CSMD1: variants seen among roughly 807,000 people sequenced by gnomAD.
The protein encoded by CSMD1 is CUB and sushi domain-containing protein 1.
Under a neutral mutation model 417.5 loss-of-function variants are expected in CSMD1, and 213 were observed. That is an observed-to-expected ratio of 0.51 (90% CI 0.46 to 0.57). The LOEUF is 0.57. Among genes scored for constraint, CSMD1 ranks in the 20% least tolerant of loss-of-function variants. CSMD1 has a pLI of 0.00. For synonymous variants in CSMD1, 2,862 were observed against 1,736.8 expected (o/e 1.65, Z -16.11); for missense variants, 6,923 against 4,529.7 (o/e 1.53, Z -15.17).
chr8:4,827,784 C>T (rs1342577517), intron 1 of CSMD1, among the ~76,000 whole-genome samples: 4 of 152,164 alleles, frequency 2.6e-5, no homozygotes, highest in Non-Finnish European at 5.9e-5. Flanking sequence ...TGAAATTCAG[C>T]TCCTGCTTAA....
At chr8:3,317,426 C>T (rs1207057554) in intron 23 of CSMD1, among the ~76,000 whole-genome samples, 1 of 152,178 alleles carries the variant, frequency 6.6e-6, no homozygotes, top group Non-Finnish European at 1.5e-5. Flanking sequence ...CATTGACACT[C>T]AATCACACAA....
At position 4,204,560 on chromosome 8, in the gene CSMD1, T is replaced by C. The variant is rs116986558; in HGVS notation, c.416-172461A>G. ...GTGTAGAAGAAATTATGACACCTTT[T>C]CTATACTGAGAGGAAGATTCAATCT... is the stretch of plus-strand genomic sequence containing the variant. On this transcript the variant is annotated intron_variant, in intron 3 of 69. Transcript: ENST00000635120. 8.6e-3 allele frequency among the ~76,000 whole-genome samples: 1,303 copies of C among 152,316 alleles called. 18 individuals carry two copies. The highest frequency in any genetic ancestry group is 0.026 in the African/African-American group (1,083 of 41,566).
At chr8:4,930,360 T>G (rs1249648363) in intron 1 of CSMD1, among the ~76,000 whole-genome samples, 1 of 152,120 alleles carries the variant, frequency 6.6e-6, no homozygotes, top group Non-Finnish European at 1.5e-5. Flanking sequence ...ATTTCATTCA[T>G]AGGTGCGCGC....
intron 5 of CSMD1, among the ~76,000 whole-genome samples, chr8:3,930,842 T>A (rs1472785757): frequency 6.6e-6 from 1 of 150,652 alleles, no homozygotes; most frequent in African/African-American, 2.4e-5. Context: ...AATAAAGTAA[T>A]AGATATCTTA....
rs574520612 is a variant in CSMD1 at position 3,787,669 on chromosome 8, A to G, written c.819-33627T>C. ...AGGCAGCTTGGTAATATAATTTAGT[A>G]TTGTTTACAAATTATTGTAAGTTTT... On this transcript the variant is annotated intron_variant, in intron 5 of 69. Coordinates refer to ENST00000635120, the MANE Select transcript of CSMD1 (RefSeq NM_033225.6). Among the ~76,000 whole-genome samples, 5 of 152,330 alleles carry G rather than the reference A, an allele frequency of 3.3e-5. No homozygotes were observed. In the East Asian group the frequency reaches 7.7e-4, roughly 24 times the overall value.
intron 11 of CSMD1, 74 bp from the exon 12 acceptor site, chr8:3,468,898 T>C: frequency 3.0e-6 from 3 of 998,684 alleles, no homozygotes; most frequent in Non-Finnish European, 4.5e-6. Flanking sequence ...AAGGAGGGTC[T>C]TGCTGCTTTA....
chr8:3,594,810 C>T (rs1287281085), intron 8 of CSMD1, among the ~76,000 whole-genome samples: 2 of 152,148 alleles, frequency 1.3e-5, no homozygotes, highest in Non-Finnish European at 2.9e-5. Context: ...CCGAGGGAAC[C>T]GCGGTGTGTC....
chr8:4,868,823 G>C (rs1802566931), intron 1 of CSMD1, among the ~76,000 whole-genome samples: 1 of 151,592 alleles, frequency 6.6e-6, no homozygotes, highest in South Asian at 2.1e-4. Context: ...TGCTGTATCA[G>C]CTCCTCTACA....
chr8:3,814,579 G>C (rs1460506698), intron 5 of CSMD1, among the ~76,000 whole-genome samples: 1 of 152,198 alleles, frequency 6.6e-6, no homozygotes, highest in Non-Finnish European at 1.5e-5. Flanking sequence ...CTTGCACCTA[G>C]TGGTAAGGCC....
At chr8:4,411,513 T>C (rs1796648473) in intron 3 of CSMD1, among the ~76,000 whole-genome samples, 1 of 152,242 alleles carries the variant, frequency 6.6e-6, no homozygotes, top group Non-Finnish European at 1.5e-5. Flanking sequence ...CATTCCCACA[T>C]TATCATCAGA....
intron 1 of CSMD1, among the ~76,000 whole-genome samples, chr8:4,727,687 T>C (rs575627553): frequency 1.3e-5 from 2 of 152,202 alleles, no homozygotes; most frequent in South Asian, 4.1e-4. Flanking sequence ...TGGAAATAAC[T>C]TGCAAAGGCA....
At chr8:3,763,040 A>G (rs1798095529) in intron 5 of CSMD1, among the ~76,000 whole-genome samples, 1 of 152,128 alleles carries the variant, frequency 6.6e-6, no homozygotes, top group Admixed American at 6.5e-5. Flanking sequence ...GCTTAATGTT[A>G]GTCATTTTTG....
At chr8:4,354,865 AGTGT>A (rs59255397) in intron 3 of CSMD1, among the ~76,000 whole-genome samples, 6,650 of 129,386 alleles carry the variant, frequency 0.051, 322 homozygotes, top group African/African-American at 0.14. Flanking sequence ...AGGAAAATGT[AGTGT>A]GTGTGTGTGT....
At chr8:4,026,758 T>C (rs1797084383) in intron 4 of CSMD1, among the ~76,000 whole-genome samples, 2 of 152,242 alleles carry the variant, frequency 1.3e-5, no homozygotes, top group Non-Finnish European at 2.9e-5. Context: ...GGGGTTGTAA[T>C]GATAACTAAA....
At chr8:3,484,725 T>G (rs1033762517) in intron 11 of CSMD1, among the ~76,000 whole-genome samples, 3 of 152,206 alleles carry the variant, frequency 2.0e-5, no homozygotes, top group African/African-American at 4.8e-5. Context: ...ACACAAAGAA[T>G]TCTCCAAACT....
At chr8:4,973,231 C>T (rs1425219122) in intron 1 of CSMD1, among the ~76,000 whole-genome samples, 1 of 152,044 alleles carries the variant, frequency 6.6e-6, no homozygotes, top group African/African-American at 2.4e-5. Context: ...TGAGAGAAAG[C>T]ATTTTCTTGG....
chr8:3,280,404 A>G (rs1420466315), intron 26 of CSMD1, among the ~76,000 whole-genome samples: 1 of 152,190 alleles, frequency 6.6e-6, no homozygotes, highest in Non-Finnish European at 1.5e-5. Context: ...TGTAGTCTAG[A>G]CTATGCTTTT....
chr8:4,035,114 C>A lies in CSMD1; in HGVS notation c.416-3015G>T, dbSNP rs184381688. Among the ~76,000 whole-genome samples the A allele has an allele frequency of 1.8e-3, 272 of 152,224 alleles. 1 individual carries two copies. Among genetic ancestry groups the A allele is most frequent in the Non-Finnish European group, 2.9e-3 (196 of 68,026 alleles). ...TAATATATAGTTGTGAGCTGCCTAACAACAGCTCAATGATACGACTCATAT... is the reference window on the plus strand; with the variant it reads ...TAATATATAGTTGTGAGCTGCCTAAAAACAGCTCAATGATACGACTCATAT... On this transcript the variant is annotated intron_variant, in intron 3 of 69. Transcript: ENST00000635120.
At chr8:4,900,318 C>A (rs750218223) in intron 1 of CSMD1, among the ~76,000 whole-genome samples, 2 of 152,156 alleles carry the variant, frequency 1.3e-5, no homozygotes, top group Non-Finnish European at 2.9e-5. Context: ...TCCTTAGGCT[C>A]CATGAATAGC....
Sources: gnomAD v4.1 joint callset for allele counts (sites outside exome capture counted in the v4.1 genomes callset) on GRCh38, gnomAD v4.1.1 for gene constraint, MANE v1.5 for transcripts, NCBI Gene and HGNC (gene_info 2026-07-23, HGNC 2026-07-21) for gene names.